The following CNTN6 variants were observed in gnomAD, a reference collection of about 807,000 sequenced individuals.
CNTN6 encodes contactin 6.
In CNTN6, 137 loss-of-function variants were observed where a neutral mutation model predicts 122.8. The observed-to-expected ratio is 1.12, with a 90% confidence interval of 0.97 to 1.29. The LOEUF (loss-of-function observed/expected upper bound fraction) is 1.29, where lower values mean the gene tolerates loss of function less well. Ranked by LOEUF, CNTN6 falls within the 50% of genes most tolerant of loss-of-function variation. The pLI, the probability that CNTN6 is intolerant of heterozygous loss-of-function variation, is 0.00. For missense variants in CNTN6, 1,634 were observed against 1,223.4 expected (o/e 1.34, Z -5.01); for synonymous variants, 570 against 426.0 (o/e 1.34, Z -4.16).
chr3:1,339,873 A>AT lies in CNTN6; in HGVS notation c.1364+9939dup, dbSNP rs1372880784. The stretch of plus-strand genomic sequence containing the variant: ...ACCTAATAACATATATTTTAATTCT[A>AT]TCTCCAATTAAATTAACCAAATACA... On this transcript the variant is annotated intron_variant, in intron 11 of 22. Coordinates refer to ENST00000446702, the MANE Select transcript of CNTN6 (RefSeq NM_001289080.2). Among the ~76,000 whole-genome samples, 3 of 152,128 alleles carry AT rather than the reference A, an allele frequency of 2.0e-5. No homozygotes were observed. In the East Asian group the frequency reaches 5.8e-4, roughly 29 times the overall value.
chr3:1,227,730 G>C, intron 3 of CNTN6, 88 bp from the exon 4 acceptor site: 1 of 1,352,128 alleles, frequency 7.4e-7, no homozygotes, highest in Non-Finnish European at 1.0e-6. Context: ...GTTTTTTATA[G>C]TTGCAGGAAT....
At chr3:1,385,945 T>G (rs1239991170) in intron 20 of CNTN6, 148 bp downstream of exon 20, 2 of 655,270 alleles carry the variant, frequency 3.1e-6, no homozygotes. Context: ...TGGATACTTG[T>G]TGAAACCTTT....
At chr3:1,214,804 T>C (rs4588344) in intron 2 of CNTN6, among the ~76,000 whole-genome samples, 51,979 of 152,050 alleles carry the variant, frequency 0.34, 10,475 homozygotes, top group African/African-American at 0.55. Context: ...TCACCCAGGC[T>C]ATAGTACAGC....
intron 12 of CNTN6, among the ~76,000 whole-genome samples, chr3:1,370,757 A>G (rs1672227251): frequency 6.6e-6 from 1 of 152,106 alleles, no homozygotes; most frequent in African/African-American, 2.4e-5. Context: ...CTGAGGCAGG[A>G]GAATCTCTTG....
intron 11 of CNTN6, among the ~76,000 whole-genome samples, chr3:1,331,019 G>T (rs1431138202): frequency 6.6e-6 from 1 of 151,788 alleles, no homozygotes; most frequent in Admixed American, 6.6e-5. Context: ...TGAATGAAGG[G>T]ACATCATTTT....
chr3:1,174,878 T>C (rs979073742), intron 2 of CNTN6, among the ~76,000 whole-genome samples: 3 of 152,172 alleles, frequency 2.0e-5, no homozygotes, highest in Admixed American at 6.5e-5. Flanking sequence ...CTTATATGCA[T>C]GCGCCCACAC....
At chr3:1,211,893 G>A (rs938010663) in intron 2 of CNTN6, among the ~76,000 whole-genome samples, 4 of 152,114 alleles carry the variant, frequency 2.6e-5, no homozygotes, top group Non-Finnish European at 5.9e-5. Context: ...CCAAGGAATG[G>A]CCTAAAGCAG....
At chr3:1,218,086 G>C (rs929034813) in intron 2 of CNTN6, among the ~76,000 whole-genome samples, 1 of 152,138 alleles carries the variant, frequency 6.6e-6, no homozygotes, top group Admixed American at 6.5e-5. Context: ...GCTGGAACCT[G>C]AGAGAGGCGA....
At position 1,372,857 on chromosome 3, in the gene CNTN6, T is replaced by A. The variant is rs779695365; in HGVS notation, c.1688T>A (p.Met563Lys). The A allele has an allele frequency of 3.7e-6, 6 of 1,604,002 alleles. No individual in the cohort carries two copies. The highest frequency in any genetic ancestry group is 1.7e-5 in the Admixed American group (1 of 58,998). Residue 563 changes from methionine (M) to lysine (K), a missense_variant, in exon 14 of 23, where the codon ATG (methionine) becomes AAG (lysine). Physicochemically the swap from Met to Lys is moderately conservative, Grantham distance 95. Coordinates refer to ENST00000446702, the MANE Select transcript of CNTN6 (RefSeq NM_001289080.2). ...RIGGESVGDL[M>K]IRNIQLHHSG... ...CTGCAGGAATCTGTTGGGGATTTGA[T>A]GATAAGGAATATTCAGTTACATCAT... is the stretch of plus-strand genomic sequence containing the variant.
At chr3:1,300,629 G>A (rs1007473871) in intron 7 of CNTN6, among the ~76,000 whole-genome samples, 1 of 151,642 alleles carries the variant, frequency 6.6e-6, no homozygotes, top group African/African-American at 2.4e-5. Flanking sequence ...AAGAAAAGGA[G>A]AGATAACATG....
intron 2 of CNTN6, among the ~76,000 whole-genome samples, chr3:1,214,464 A>C (rs2094101190): frequency 6.6e-6 from 1 of 151,108 alleles, no homozygotes. Flanking sequence ...GCCCACCACC[A>C]CGCCCAGCTA....
chr3:1,383,969 T>C (rs113968904), intron 19 of CNTN6, among the ~76,000 whole-genome samples: 1 of 151,038 alleles, frequency 6.6e-6, no homozygotes, highest in Non-Finnish European at 1.5e-5. Flanking sequence ...TGCTTTAGCC[T>C]CTTCCCTGTT....
At chr3:1,265,395 T>C (rs924809708) in intron 4 of CNTN6, among the ~76,000 whole-genome samples, 9 of 152,146 alleles carry the variant, frequency 5.9e-5, no homozygotes, top group Non-Finnish European at 1.3e-4. Flanking sequence ...TGGCTCCAAC[T>C]TTTGCTGAAG....
chr3:1,123,488 T>C (rs1370513196), intron 1 of CNTN6, among the ~76,000 whole-genome samples: 1 of 150,038 alleles, frequency 6.7e-6, no homozygotes, highest in South Asian at 2.1e-4. Context: ...TTTGTCCTTA[T>C]TTTTTATTTG....
At chr3:1,116,795 C>T (rs930515894) in intron 1 of CNTN6, among the ~76,000 whole-genome samples, 9 of 151,144 alleles carry the variant, frequency 6.0e-5, no homozygotes, top group African/African-American at 2.2e-4. Context: ...ACCTCTGCTT[C>T]CCAGGTTCAA....
Position 1,307,254 on chromosome 3 carries a change from G to A in CNTN6, c.761+9263G>A, listed in dbSNP as rs1043415380. Among the ~76,000 whole-genome samples the A allele has an allele frequency of 5.3e-5, 8 of 152,222 alleles. No homozygotes were observed. The East Asian group carries it at 1.5e-3, about 29-fold the overall frequency. ...TTACTGATTATCTTTTTCCCACGCT[G>A]CCCTTTATCAAATAGAGACTGGAGA... On this transcript the variant is annotated intron_variant, in intron 7 of 22. Coordinates refer to ENST00000446702, the MANE Select transcript of CNTN6 (RefSeq NM_001289080.2).
At position 1,196,899 on chromosome 3, in the gene CNTN6, C is replaced by A. The variant is rs148830745; in HGVS notation, c.56-23788C>A. The stretch of plus-strand genomic sequence containing the variant: ...CTATAAAACTTTCTGCCCAGCCTAG[C>A]GCAGGTTAGAGTTCCCATATGTCTA... On this transcript the variant is annotated intron_variant, in intron 2 of 22. Transcript: ENST00000446702. Among the ~76,000 whole-genome samples, 365 of 152,232 alleles carry A rather than the reference C, an allele frequency of 2.4e-3. 1 individual carries two copies. The highest frequency in any genetic ancestry group is 7.9e-3 in the African/African-American group (330 of 41,532).
chr3:1,241,441 G>C (rs536265732), intron 4 of CNTN6, among the ~76,000 whole-genome samples: 3 of 151,964 alleles, frequency 2.0e-5, no homozygotes. Flanking sequence ...GATATTGTGC[G>C]GATGTTAGAA....
intron 11 of CNTN6, among the ~76,000 whole-genome samples, chr3:1,351,863 C>T (rs943659730): frequency 1.3e-5 from 2 of 151,874 alleles, no homozygotes; most frequent in South Asian, 2.1e-4. Context: ...GTTCAACACC[C>T]CATTCTGTGG....
Sources: gnomAD v4.1 joint callset for allele counts (sites outside exome capture counted in the v4.1 genomes callset) on GRCh38, gnomAD v4.1.1 for gene constraint, MANE v1.5 for transcripts, NCBI Gene and HGNC (gene_info 2026-07-23, HGNC 2026-07-21) for gene names.